The following RBFOX1 variants were observed in gnomAD, a reference collection of about 807,000 sequenced individuals.
The protein encoded by RBFOX1 is RNA binding fox-1 homolog 1.
Under a neutral mutation model 57.7 loss-of-function variants are expected in RBFOX1, and 8 were observed. The ratio of observed to expected loss-of-function variants is 0.14; its 90% CI spans 0.08 to 0.25. The LOEUF is 0.25. Ranked by LOEUF, RBFOX1 falls within the 10% of genes least tolerant of loss-of-function variation. The probability of loss-of-function intolerance (pLI) is 1.00; values close to 1 mark genes in which losing one functional copy is unlikely to be tolerated. For synonymous variants in RBFOX1, 326 were observed against 222.4 expected, an observed-to-expected ratio of 1.47 and a Z score of -4.15; for missense variants, 611 against 548.5, an observed-to-expected ratio of 1.11 and a Z score of -1.14.
chr16:7,255,919 C>T, intron 4 of RBFOX1, among the ~76,000 whole-genome samples: 1 of 152,140 alleles, frequency 6.6e-6, no homozygotes. Context: ...TAGCACTAGT[C>T]TAGAGGAAAT....
At chr16:6,821,578 C>G (rs1006332665) in intron 3 of RBFOX1, among the ~76,000 whole-genome samples, 1 of 152,296 alleles carries the variant, frequency 6.6e-6, no homozygotes, top group East Asian at 1.9e-4. Flanking sequence ...CCGCTGGTAA[C>G]CACTGGTCGG....
chr16:5,840,297 T>C (rs2056586472), intron 3 of RBFOX1, among the ~76,000 whole-genome samples: 1 of 152,156 alleles, frequency 6.6e-6, no homozygotes, highest in South Asian at 2.1e-4. Context: ...AGGCAGAACA[T>C]CTGCATGGCA....
At chr16:6,480,291 C>T (rs1040434460) in intron 2 of RBFOX1, among the ~76,000 whole-genome samples, 1 of 152,094 alleles carries the variant, frequency 6.6e-6, no homozygotes, top group African/African-American at 2.4e-5. Flanking sequence ...TATATGTATA[C>T]ATGTTATATG....
At chr16:6,145,635 G>C (rs2096752124) in intron 1 of RBFOX1, among the ~76,000 whole-genome samples, 1 of 152,052 alleles carries the variant, frequency 6.6e-6, no homozygotes, top group Non-Finnish European at 1.5e-5. Context: ...CCCTCTTAGA[G>C]AGCCTAAATG....
chr16:7,132,147 A>G (rs1439979348), intron 4 of RBFOX1, among the ~76,000 whole-genome samples: 1 of 151,694 alleles, frequency 6.6e-6, no homozygotes, highest in African/African-American at 2.4e-5. Flanking sequence ...TGCCCAGCTA[A>G]TTTTTGTATT....
At position 6,754,865 on chromosome 16, in the gene RBFOX1, C is replaced by G. The variant is rs893765827; in HGVS notation, c.-16+100215C>G. Among the ~76,000 whole-genome samples, 18 of 152,148 alleles carry G rather than the reference C, an allele frequency of 1.2e-4. No homozygotes were observed. In the South Asian group the frequency reaches 3.1e-3, roughly 26 times the overall value. On this transcript the variant is annotated intron_variant, in intron 3 of 15. Transcript: ENST00000550418. Reference sequence around the variant, plus strand: ...GCTATCCCTCCCCTCTCCCCCCACCCCACAACAGTCCCCAGAGTGTGATGT... The same window carrying G: ...GCTATCCCTCCCCTCTCCCCCCACCGCACAACAGTCCCCAGAGTGTGATGT...
At chr16:6,215,754 G>T (rs979446783) in intron 1 of RBFOX1, among the ~76,000 whole-genome samples, 2 of 152,006 alleles carry the variant, frequency 1.3e-5, no homozygotes, top group South Asian at 4.1e-4. Context: ...ACAGCTCTTC[G>T]AAAGCAAGTA....
At chr16:5,833,688 T>A (rs1484806106) in intron 3 of RBFOX1, among the ~76,000 whole-genome samples, 1 of 152,090 alleles carries the variant, frequency 6.6e-6, no homozygotes, top group Non-Finnish European at 1.5e-5. Flanking sequence ...GACGTGTGCA[T>A]TGGTCCTTGA....
chr16:5,479,406 G>A (rs540770941), intron 2 of RBFOX1, among the ~76,000 whole-genome samples: 1 of 152,158 alleles, frequency 6.6e-6, no homozygotes, highest in Admixed American at 6.5e-5. Context: ...GATTCCAAAG[G>A]CTTCCTTTGC....
intron 4 of RBFOX1, among the ~76,000 whole-genome samples, chr16:7,145,000 C>G (rs903666016): frequency 3.3e-5 from 5 of 152,090 alleles, no homozygotes; most frequent in Non-Finnish European, 7.3e-5. Flanking sequence ...AACAGGTCAG[C>G]TGACGTTGTT....
chr16:6,468,886 A>T (rs939223646), intron 2 of RBFOX1, among the ~76,000 whole-genome samples: 1 of 152,136 alleles, frequency 6.6e-6, no homozygotes, highest in Non-Finnish European at 1.5e-5. Flanking sequence ...TTCATCACCC[A>T]GGTATTAAGC....
chr16:6,625,292 G>T (rs17721102), intron 2 of RBFOX1, among the ~76,000 whole-genome samples: 5,835 of 151,002 alleles, frequency 0.039, 153 homozygotes, highest in Non-Finnish European at 0.046. Flanking sequence ...ACACAGAATA[G>T]AGTCGATTTA....
At chr16:6,619,276 C>A (rs950615007) in intron 2 of RBFOX1, among the ~76,000 whole-genome samples, 1 of 152,114 alleles carries the variant, frequency 6.6e-6, no homozygotes, top group East Asian at 1.9e-4. Context: ...ATTTCAGGTT[C>A]CATGATAATG....
intron 4 of RBFOX1, chr16:7,510,301 A>C: frequency 1.0e-6 from 1 of 985,874 alleles, no homozygotes; most frequent in Non-Finnish European, 1.2e-6. Context: ...AGGAAGCAGG[A>C]TGGTGCAGCA....
At chr16:6,644,077 G>T (rs1310767158) in intron 2 of RBFOX1, among the ~76,000 whole-genome samples, 1 of 152,146 alleles carries the variant, frequency 6.6e-6, no homozygotes, top group Non-Finnish European at 1.5e-5. Context: ...AGTGAGCCAA[G>T]ATCACCCTAC....
intron 2 of RBFOX1, among the ~76,000 whole-genome samples, chr16:6,637,166 A>AT (rs1385153577): frequency 2.5e-5 from 2 of 80,922 alleles, no homozygotes; most frequent in African/African-American, 1.1e-4. Context: ...TATATTATAT[A>AT]TTATATATAT....
At chr16:6,689,764 C>T (rs1294966407) in intron 3 of RBFOX1, among the ~76,000 whole-genome samples, 1 of 152,190 alleles carries the variant, frequency 6.6e-6, no homozygotes, top group Non-Finnish European at 1.5e-5. Flanking sequence ...ACAGAGAGCC[C>T]AGCTGTTTTG....
chr16:6,306,817 A>C (rs997186885), intron 1 of RBFOX1, among the ~76,000 whole-genome samples: 2 of 152,130 alleles, frequency 1.3e-5, no homozygotes, highest in Non-Finnish European at 2.9e-5. Flanking sequence ...TATGCCTTGC[A>C]CTCAGTACCT....
chr16:6,122,357 AACACACAC>A lies in RBFOX1; in HGVS notation c.-127+102397_-127+102404del, dbSNP rs61531585. 1.1e-3 allele frequency among the ~76,000 whole-genome samples: 165 copies of A among 145,448 alleles called. 1 individual carries two copies. The highest frequency in any genetic ancestry group is 3.6e-3 in the African/African-American group (145 of 39,872). On this transcript the variant is annotated intron_variant, in intron 1 of 15. Transcript: ENST00000550418. ...AACAGAACCTTGTGTCTAAAAGATA[AACACACAC>A]ACACACACACACACACACACACACA... is the stretch of plus-strand genomic sequence containing the variant.
Sources: allele counts gnomAD v4.1 joint callset (sites outside exome capture counted in the v4.1 genomes callset), GRCh38; gene constraint gnomAD v4.1.1; transcripts MANE v1.5; gene names NCBI Gene and HGNC (gene_info 2026-07-23, HGNC 2026-07-21).